The following EFCAB13 variants were observed in gnomAD, a reference collection of about 807,000 sequenced individuals.
The protein encoded by EFCAB13 is EF-hand calcium binding domain 13.
A neutral mutation model predicts 110.2 loss-of-function variants in EFCAB13; 91 were observed. The observed-to-expected ratio is 0.83, with a 90% confidence interval of 0.70 to 0.98. The LOEUF (loss-of-function observed/expected upper bound fraction) is 0.98, where lower values mean the gene tolerates loss of function less well. Ranked by LOEUF, EFCAB13 falls within the 50% of genes least tolerant of loss-of-function variation. EFCAB13 has a pLI of 0.00. For missense variants in EFCAB13, 968 were observed against 1,119.4 expected (o/e 0.86, Z 1.93); for synonymous variants, 323 against 369.9 (o/e 0.87, Z 1.45).
In EFCAB13 at chr17:47,344,282, G is replaced by T. The variant is rs2065402739; in HGVS notation, c.424G>T (p.Ala142Ser). The T allele has an allele frequency of 6.2e-7, 1 of 1,611,036 alleles. No individual in the cohort carries two copies. The highest frequency in any genetic ancestry group is 1.1e-5 in the South Asian group (1 of 90,690). The change falls in exon 7 of 25, where the codon GCA (alanine) becomes TCA (serine). Residue 142 changes from alanine to serine, a missense_variant. Transcript: ENST00000331493. ...KTSSPLCTSS[A>S]ITREKEMLSN... ...TTCATCACCTCTTTGTACATCTTCT[G>T]CAATTACTCGGTATTTAAATCCTTG...
chr17:47,383,472 AC>A (rs1388143700), intron 14 of EFCAB13, among the ~76,000 whole-genome samples: 9 of 152,188 alleles, frequency 5.9e-5, no homozygotes, highest in African/African-American at 2.2e-4. Flanking sequence ...AGATTCTGGT[AC>A]ATTGTGTCTT....
At chr17:47,370,738 G>GTTTTTTTTTT (rs764924546) in intron 11 of EFCAB13, among the ~76,000 whole-genome samples, 3 of 127,194 alleles carry the variant, frequency 2.4e-5, no homozygotes, top group African/African-American at 5.9e-5. Flanking sequence ...GTTGTTGTTT[G>GTTTTTTTTTT]TTTTTTTTTT....
intron 9 of EFCAB13, among the ~76,000 whole-genome samples, chr17:47,359,103 CG>C (rs1238818975): frequency 6.6e-6 from 1 of 152,028 alleles, no homozygotes; most frequent in Non-Finnish European, 1.5e-5. Context: ...GAGGCCAAGG[CG>C]GGTGGATCAC....
chr17:47,330,242 C>CT (rs976173723), intron 4 of EFCAB13, among the ~76,000 whole-genome samples: 123 of 150,030 alleles, frequency 8.2e-4, no homozygotes, highest in African/African-American at 1.0e-3. Context: ...AATATAGCTT[C>CT]TTTTTTTTTA....
At position 47,366,571 on chromosome 17, in the gene EFCAB13, A is replaced by ATATACCT. The variant is rs1403891778; in HGVS notation, c.806-3863_806-3857dup. Among the ~76,000 whole-genome samples the ATATACCT allele has an allele frequency of 2.6e-5, 4 of 152,182 alleles. No homozygotes were observed. The East Asian group carries it at 7.7e-4, about 29-fold the overall frequency. ...TCCAGGATGAATTTCCTCCAGAATT[A>ATATACCT]TATACCTTAGAGTAGGAGGCTGTTT... On this transcript the variant is annotated intron_variant, in intron 10 of 24. Coordinates refer to ENST00000331493, the MANE Select transcript of EFCAB13 (RefSeq NM_152347.5).
intron 6 of EFCAB13, among the ~76,000 whole-genome samples, chr17:47,342,594 G>GTATA (rs1343053337): frequency 6.6e-6 from 1 of 152,126 alleles, no homozygotes; most frequent in Non-Finnish European, 1.5e-5. Context: ...ATACTTAGAG[G>GTATA]TATATATCCT....
intron 24 of EFCAB13, among the ~76,000 whole-genome samples, chr17:47,434,452 T>C (rs1360339587): frequency 6.6e-6 from 1 of 152,184 alleles, no homozygotes; most frequent in Non-Finnish European, 1.5e-5. Flanking sequence ...GAATCAATGC[T>C]GTGAAAATTA....
chr17:47,405,190 TA>T (rs1598753685), intron 20 of EFCAB13, among the ~76,000 whole-genome samples: 1 of 152,326 alleles, frequency 6.6e-6, no homozygotes, highest in East Asian at 1.9e-4. Context: ...GAATGAACTA[TA>T]ATTTTGTCCA....
intron 14 of EFCAB13, among the ~76,000 whole-genome samples, chr17:47,382,185 G>C (rs931087238): frequency 6.6e-6 from 1 of 152,128 alleles, no homozygotes; most frequent in Non-Finnish European, 1.5e-5. Context: ...AGGAATGCTT[G>C]TGATTTTTGC....
intron 15 of EFCAB13, among the ~76,000 whole-genome samples, chr17:47,393,669 T>C (rs2065720806): frequency 6.6e-6 from 1 of 151,324 alleles, no homozygotes; most frequent in Non-Finnish European, 1.5e-5. Context: ...TGAGCTGAGA[T>C]TGCACCGCTG....
chr17:47,423,651 G>T, intron 23 of EFCAB13: 1 of 393,778 alleles, frequency 2.5e-6, no homozygotes, highest in South Asian at 1.3e-4. Context: ...GTTCCAGGTA[G>T]GTGCGGGCGG....
rs1262753532 is a variant in EFCAB13, at chr17:47,330,221, T to A, written c.30+1838T>A. 2.6e-5 allele frequency among the ~76,000 whole-genome samples: 4 copies of A among 152,134 alleles called. No homozygotes were observed. In the East Asian group the frequency reaches 7.7e-4, roughly 29 times the overall value. ...TTTTGGGGGGGTGGGGAGTGGTGTC[T>A]ATTTAGAAGCAATATAGCTTCTTTT... On this transcript the variant is annotated intron_variant, in intron 4 of 24. Transcript: ENST00000331493.
chr17:47,362,801 C>A (rs11868609), intron 10 of EFCAB13, among the ~76,000 whole-genome samples: 13,348 of 152,230 alleles, frequency 0.088, 839 homozygotes, highest in East Asian at 0.35. Flanking sequence ...CAGGGAAGGG[C>A]CCCCTGTCCA....
chr17:47,421,341 C>T (rs1273959645), intron 23 of EFCAB13, among the ~76,000 whole-genome samples: 3 of 152,024 alleles, frequency 2.0e-5, no homozygotes, highest in African/African-American at 4.8e-5. Context: ...TTACCCCCAA[C>T]CCTGTGCTCT....
At chr17:47,371,495 G>T (rs1441056997) in intron 11 of EFCAB13, among the ~76,000 whole-genome samples, 1 of 152,158 alleles carries the variant, frequency 6.6e-6, no homozygotes, top group Non-Finnish European at 1.5e-5. Flanking sequence ...CCTTTCCTCA[G>T]TGTATATTCT....
chr17:47,423,799 C>T (rs1190715213), intron 23 of EFCAB13, among the ~76,000 whole-genome samples: 3 of 152,022 alleles, frequency 2.0e-5, no homozygotes, highest in Non-Finnish European at 4.4e-5. Flanking sequence ...GCCTCCTGCA[C>T]CTCACCCTCC....
chr17:47,409,506 C>G, intron 20 of EFCAB13, 141 bp from the exon 21 acceptor site: 1 of 679,394 alleles, frequency 1.5e-6, no homozygotes, highest in Non-Finnish European at 2.5e-6. Context: ...CAGGGAACAA[C>G]TTTTGAGAAG....
intron 24 of EFCAB13, among the ~76,000 whole-genome samples, chr17:47,433,782 A>G (rs1407949680): frequency 1.3e-5 from 2 of 152,174 alleles, no homozygotes; most frequent in Non-Finnish European, 2.9e-5. Flanking sequence ...TACACTTATG[A>G]GATTACTAAA....
chr17:47,420,052 A>T (rs922713649), intron 23 of EFCAB13, among the ~76,000 whole-genome samples: 191 of 151,974 alleles, frequency 1.3e-3, no homozygotes, highest in African/African-American at 4.3e-3. Flanking sequence ...TCCCTGCCTG[A>T]TTCTCCTGCC....
Sources: gnomAD v4.1 joint callset for allele counts (sites outside exome capture counted in the v4.1 genomes callset) on GRCh38, gnomAD v4.1.1 for gene constraint, MANE v1.5 for transcripts, NCBI Gene and HGNC (gene_info 2026-07-23, HGNC 2026-07-21) for gene names.